TYR: variants seen among roughly 807,000 people sequenced by gnomAD.
TYR encodes the protein LB24-AB.
Under a neutral mutation model 51.5 loss-of-function variants are expected in TYR, and 58 were observed. The observed-to-expected ratio is 1.13, with a 90% CI of 0.91 to 1.40. The LOEUF (loss-of-function observed/expected upper bound fraction) is 1.40. TYR is among the 40% of genes most tolerant of loss of function. The pLI, the probability that TYR is intolerant of heterozygous loss-of-function variation, is 0.00. For missense variants in TYR, 732 were observed against 647.4 expected, an observed-to-expected ratio of 1.13 and a Z score of -1.42; for synonymous variants, 263 against 235.2, an observed-to-expected ratio of 1.12 and a Z score of -1.08.
At chr11:89,295,120 A>C in intron 4 of TYR, 23 bp from the exon 5 acceptor site, 1 of 1,612,874 alleles carries the variant, frequency 6.2e-7, no homozygotes, top group South Asian at 1.1e-5. Flanking sequence ...CAATAAAAAC[A>C]ATGGGATGTC....
At chr11:89,208,144 C>T (rs759886925) in intron 2 of TYR, among the ~76,000 whole-genome samples, 3 of 152,106 alleles carry the variant, frequency 2.0e-5, no homozygotes, top group Non-Finnish European at 4.4e-5. Context: ...GTGGCGGGCA[C>T]CTGTAGTACT....
chr11:89,257,608 T>G (rs966717506), intron 3 of TYR, among the ~76,000 whole-genome samples: 1 of 152,018 alleles, frequency 6.6e-6, no homozygotes, highest in Non-Finnish European at 1.5e-5. Flanking sequence ...ATACTGTATA[T>G]GTATACACAC....
At chr11:89,178,904 G>T in intron 1 of TYR, 132 bp downstream of exon 1, 1 of 860,276 alleles carries the variant, frequency 1.2e-6, no homozygotes, top group Admixed American at 2.0e-5. Flanking sequence ...GCCCTGTTAA[G>T]AACTCTCAAT....
rs1193792853 is a variant in TYR, at chr11:89,257,845, G to A, written c.1185-26928G>A. On this transcript the variant is annotated intron_variant, in intron 3 of 4. Coordinates refer to ENST00000263321, the MANE Select transcript of TYR (RefSeq NM_000372.5). ...TCTGAGTGATTTTCACCTTTCTTTG[G>A]TTACTGTAGTCTTCCATTAAATTAT... Among the ~76,000 whole-genome samples, 7 of 151,936 alleles carry A rather than the reference G, an allele frequency of 4.6e-5. No homozygotes were observed. In the South Asian group the frequency reaches 1.5e-3, roughly 32 times the overall value.
At chr11:89,213,854 T>C (rs554885127) in intron 2 of TYR, among the ~76,000 whole-genome samples, 18 of 152,302 alleles carry the variant, frequency 1.2e-4, no homozygotes, top group Non-Finnish European at 7.4e-5. Flanking sequence ...GGATTCCCTA[T>C]TTAATAAATG....
intron 2 of TYR, among the ~76,000 whole-genome samples, chr11:89,215,782 A>G (rs1943824586): frequency 6.6e-6 from 1 of 152,076 alleles, no homozygotes; most frequent in Admixed American, 6.6e-5. Context: ...TAAGAATCCC[A>G]CCATTTTTGG....
chr11:89,188,624 C>T (rs1441713522), intron 1 of TYR, among the ~76,000 whole-genome samples: 2 of 152,042 alleles, frequency 1.3e-5, no homozygotes, highest in Non-Finnish European at 2.9e-5. Context: ...AAGGGTTACA[C>T]ACTTTGAACT....
At chr11:89,263,104 C>A (rs1294080508) in intron 3 of TYR, among the ~76,000 whole-genome samples, 1 of 151,646 alleles carries the variant, frequency 6.6e-6, no homozygotes, top group Non-Finnish European at 1.5e-5. Context: ...AAAAAAAATT[C>A]TAAGCAAAAT....
At chr11:89,265,984 C>T (rs1944522140) in intron 3 of TYR, among the ~76,000 whole-genome samples, 1 of 151,956 alleles carries the variant, frequency 6.6e-6, no homozygotes, top group Admixed American at 6.6e-5. Flanking sequence ...GGGAGGATAT[C>T]TAACTACTAT....
intron 3 of TYR, among the ~76,000 whole-genome samples, chr11:89,262,847 C>CAAAAAAAAAAAAAAAA (rs771958187): frequency 8.8e-4 from 17 of 19,300 alleles, no homozygotes; most frequent in African/African-American, 1.5e-3. Context: ...GCTACTCATC[C>CAAAAAAAAAAAAAAAA]AAAAAAAAAA....
At chr11:89,250,868 T>A (rs779267547) in intron 3 of TYR, among the ~76,000 whole-genome samples, 1 of 151,878 alleles carries the variant, frequency 6.6e-6, no homozygotes, top group African/African-American at 2.4e-5. Flanking sequence ...TTACAAGTAG[T>A]GAGAATGAAA....
intron 3 of TYR, among the ~76,000 whole-genome samples, chr11:89,244,712 GAATGGCTTATACAGAAAAA>G (rs1474450107): frequency 6.6e-6 from 1 of 152,130 alleles, no homozygotes; most frequent in African/African-American, 2.4e-5. Flanking sequence ...TCCCATTCAA[GAATGGCTTATACAGAAAAA>G]AAACAAGCAC....
chr11:89,216,876 A>G (rs1943839436), intron 2 of TYR, among the ~76,000 whole-genome samples: 1 of 152,070 alleles, frequency 6.6e-6, no homozygotes, highest in Admixed American at 6.6e-5. Flanking sequence ...TCTTTAAAGG[A>G]ATTATTTAGA....
chr11:89,285,103 A>C lies in TYR; in HGVS notation c.1366+149A>C, dbSNP rs142082953. 5.4e-4 allele frequency: 392 copies of C among 730,658 alleles called. 2 individuals carry two copies. In the East Asian group the frequency reaches 0.01, roughly 19 times the overall value. 45.3% of individuals were successfully genotyped at this position (730,658 alleles called of 1,614,324 possible). On this transcript the variant is annotated intron_variant, in intron 4 of 4. Coordinates refer to ENST00000263321, the MANE Select transcript of TYR (RefSeq NM_000372.5). ...ATAATCCTTAATTTATTACCAGTTT[A>C]TTATCACAGGAATCAAATTCTGAGG...
chr11:89,279,687 A>C (rs1444608573), intron 3 of TYR, among the ~76,000 whole-genome samples: 4 of 151,668 alleles, frequency 2.6e-5, no homozygotes, highest in Admixed American at 2.0e-4. Context: ...AGCAATTATC[A>C]CACCTCTATC....
At chr11:89,208,473 C>G (rs1018409872) in intron 2 of TYR, among the ~76,000 whole-genome samples, 2 of 152,020 alleles carry the variant, frequency 1.3e-5, no homozygotes, top group Admixed American at 6.5e-5. Flanking sequence ...AAGATAATAT[C>G]AACAGTTATC....
At chr11:89,209,747 G>A (rs938073422) in intron 2 of TYR, among the ~76,000 whole-genome samples, 6 of 152,104 alleles carry the variant, frequency 3.9e-5, no homozygotes, top group African/African-American at 7.2e-5. Flanking sequence ...GCCCCTCTGG[G>A]ACGAAGCTTC....
intron 3 of TYR, among the ~76,000 whole-genome samples, chr11:89,233,416 A>G (rs4512823): frequency 0.39 from 53,607 of 137,548 alleles, 15,574 homozygotes; most frequent in African/African-American, 0.65. Context: ...CCATACTCCT[A>G]TTAACGTTAA....
In TYR at chr11:89,192,499, C is replaced by CT. The variant is rs202031072; in HGVS notation, c.1036+1090dup. Among the ~76,000 whole-genome samples the CT allele has an allele frequency of 2.5e-3, 371 of 151,118 alleles. 2 individuals carry two copies. The highest frequency in any genetic ancestry group is 8.6e-3 in the African/African-American group (354 of 41,200). On this transcript the variant is annotated intron_variant, in intron 2 of 4. Coordinates refer to ENST00000263321, the MANE Select transcript of TYR (RefSeq NM_000372.5). ...TGTAATCCTTTCTCCTTGACTTGTT[C>CT]TTTTTTTTTCCTTTTTGTCATTGTT...
Sources: gnomAD v4.1 joint callset for allele counts (sites outside exome capture counted in the v4.1 genomes callset) on GRCh38, gnomAD v4.1.1 for gene constraint, MANE v1.5 for transcripts, NCBI Gene and HGNC (gene_info 2026-07-23, HGNC 2026-07-21) for gene names.